The following PRRX2 variants were observed in gnomAD, a reference collection of about 807,000 sequenced individuals.
PRRX2 encodes paired related homeobox 2, also known as paired mesoderm homeobox protein 2.
A neutral mutation model predicts 18.0 loss-of-function variants in PRRX2; 11 were observed. That is an observed-to-expected ratio of 0.61 (90% CI 0.39 to 1.01). The LOEUF is 1.01. PRRX2 is among the 50% of genes least tolerant of loss of function. The pLI, the probability that PRRX2 is intolerant of heterozygous loss-of-function variation, is 0.01. For synonymous variants in PRRX2, 177 were observed against 154.8 expected, an observed-to-expected ratio of 1.14 and a Z score of -1.06; for missense variants, 387 against 351.0, an observed-to-expected ratio of 1.10 and a Z score of -0.82.
chr9:129,675,054 C>T lies in PRRX2; in HGVS notation c.259+8928C>T, dbSNP rs12002604. On this transcript the variant is annotated intron_variant, in intron 1 of 3. Transcript: ENST00000372469. The surrounding 1 kb of genome is among the most constrained non-coding windows in gnomAD (Gnocchi z 4.4). The stretch of plus-strand genomic sequence containing the variant: ...TGCCTCCATTACCCTCCTCAGTTTA[C>T]CCGAGTGGAAAGCGGTCCTCTCGAG... 0.022 allele frequency among the ~76,000 whole-genome samples: 3,359 copies of T among 152,228 alleles called. 133 individuals carry two copies. The highest frequency in any genetic ancestry group is 0.077 in the African/African-American group (3,175 of 41,500).
Position 129,719,294 on chromosome 9 carries a change from G to A in PRRX2, c.323G>A (p.Arg108His). Reference sequence around the variant, plus strand: ...CGGAAGAAGAAGCAGCGGCGGAACCGCACCACGTTCAACAGCAGCCAACTG... The same window carrying A: ...CGGAAGAAGAAGCAGCGGCGGAACCACACCACGTTCAACAGCAGCCAACTG... ...AKRKKKQRRN[R>H]TTFNSSQLQA... Residue 108 changes from arginine (R) to histidine (H), a missense_variant, in exon 2 of 4, where the codon CGC (arginine) becomes CAC (histidine). Coordinates refer to ENST00000372469, the MANE Select transcript of PRRX2 (RefSeq NM_016307.4). 6.2e-7 allele frequency: 1 copy of A among 1,610,558 alleles called. No individual in the cohort carries two copies. The highest frequency in any genetic ancestry group is 1.1e-5 in the South Asian group (1 of 90,616).
chr9:129,705,574 T>C (rs996511617), intron 1 of PRRX2, among the ~76,000 whole-genome samples: 2 of 151,836 alleles, frequency 1.3e-5, no homozygotes, highest in Non-Finnish European at 2.9e-5. Flanking sequence ...AGACTGGTCT[T>C]GAACTCCTGA....
At chr9:129,688,899 G>A (rs944520618) in intron 1 of PRRX2, among the ~76,000 whole-genome samples, 19 of 152,172 alleles carry the variant, frequency 1.2e-4, no homozygotes, top group African/African-American at 3.4e-4. Flanking sequence ...TCCCCTCTGC[G>A]GCCTCAGGCT....
chr9:129,688,468 C>T (rs1368004562), intron 1 of PRRX2, among the ~76,000 whole-genome samples: 1 of 152,138 alleles, frequency 6.6e-6, no homozygotes, highest in Non-Finnish European at 1.5e-5. Context: ...ATCATGAACT[C>T]CCTCCCACAG....
chr9:129,720,422 C>T (rs1832774261), intron 2 of PRRX2, among the ~76,000 whole-genome samples, 174 bp from the exon 3 acceptor site: 1 of 152,250 alleles, frequency 6.6e-6, no homozygotes, highest in South Asian at 2.1e-4. Flanking sequence ...ATCTCCAACA[C>T]ATACCCAGCA....
chr9:129,721,886 G>A (rs1832797244), intron 3 of PRRX2, among the ~76,000 whole-genome samples: 2 of 152,106 alleles, frequency 1.3e-5, no homozygotes, highest in African/African-American at 4.8e-5. Flanking sequence ...TGGCCCCAAG[G>A]GGCATCCTTA....
chr9:129,675,630 T>C lies in PRRX2; in HGVS notation c.259+9504T>C, dbSNP rs1832154263. 2.1e-5 allele frequency among the ~76,000 whole-genome samples: 3 copies of C among 140,674 alleles called. No homozygotes were observed. The highest frequency in any genetic ancestry group is 2.3e-4 in the South Asian group (1 of 4,306). The allele number at this position is 140,674 out of a possible 152,430, so 92.3% of individuals were successfully genotyped here. On this transcript the variant is annotated intron_variant, in intron 1 of 3. Transcript: ENST00000372469. The surrounding 1 kb of genome is among the most constrained non-coding windows in gnomAD (Gnocchi z 4.4). ...CTGCCCCCACCCCCGCCTCCCTGTC[T>C]GTCCTCCCCCACTGCCGGTCTCCCC...
intron 1 of PRRX2, among the ~76,000 whole-genome samples, chr9:129,697,702 A>G (rs1181324561): frequency 6.6e-6 from 1 of 151,796 alleles, no homozygotes; most frequent in Non-Finnish European, 1.5e-5. Flanking sequence ...CACCCACGAG[A>G]CGGGTGGGGT....
intron 1 of PRRX2, among the ~76,000 whole-genome samples, chr9:129,698,475 T>C (rs1399907563): frequency 1.3e-5 from 2 of 151,844 alleles, no homozygotes; most frequent in Non-Finnish European, 2.9e-5. Context: ...GGGTGTTTGG[T>C]GAAACACACG....
rs1832702017 is a variant in PRRX2, at chr9:129,715,983, C to T, written c.260-3248C>T. 2.6e-5 allele frequency among the ~76,000 whole-genome samples: 4 copies of T among 152,186 alleles called. 1 individual carries two copies. In the South Asian group the frequency reaches 8.3e-4, roughly 32 times the overall value. Reference sequence around the variant, plus strand: ...ATGCCCAGTACTGTGCAAAGAACATCGGGTGTAAAATGGGAACATGTAACT... The same window carrying T: ...ATGCCCAGTACTGTGCAAAGAACATTGGGTGTAAAATGGGAACATGTAACT... On this transcript the variant is annotated intron_variant, in intron 1 of 3. Transcript: ENST00000372469. This position sits in a 1 kb window ranked among gnomAD's most constrained non-coding sequence, Gnocchi z 4.0.
At chr9:129,684,426 CA>C (rs1305028092) in intron 1 of PRRX2, among the ~76,000 whole-genome samples, 3 of 43,646 alleles carry the variant, frequency 6.9e-5, no homozygotes, top group South Asian at 9.8e-4. Context: ...CACACAGATA[CA>C]ACACACACAC....
In PRRX2 at chr9:129,709,463, C is replaced by A. The variant is rs532805311; in HGVS notation, c.260-9768C>A. On this transcript the variant is annotated intron_variant, in intron 1 of 3. Coordinates refer to ENST00000372469, the MANE Select transcript of PRRX2 (RefSeq NM_016307.4). The surrounding 1 kb of genome is among the most constrained non-coding windows in gnomAD (Gnocchi z 4.2). ...ACTAGCCACCATTCTTGCAGCCACACTGGCTACCGGCCCCCAGGGCTGGGA... is the reference window on the plus strand; with the variant it reads ...ACTAGCCACCATTCTTGCAGCCACAATGGCTACCGGCCCCCAGGGCTGGGA... Among the ~76,000 whole-genome samples, 97 of 152,202 alleles carry A rather than the reference C, an allele frequency of 6.4e-4. No individual in the cohort carries two copies. Among genetic ancestry groups the A allele is most frequent in the African/African-American group, 2.3e-3 (96 of 41,522 alleles).
intron 1 of PRRX2, among the ~76,000 whole-genome samples, chr9:129,702,114 A>G (rs986811062): frequency 1.4e-5 from 2 of 142,876 alleles, no homozygotes; most frequent in African/African-American, 5.3e-5. Flanking sequence ...ACTTTCTACG[A>G]CTGCCAGGCG....
rs1249228850 is a variant in PRRX2 at position 129,715,516 on chromosome 9, A to G, written c.260-3715A>G. On this transcript the variant is annotated intron_variant, in intron 1 of 3. Coordinates refer to ENST00000372469, the MANE Select transcript of PRRX2 (RefSeq NM_016307.4). This position sits in a 1 kb window ranked among gnomAD's most constrained non-coding sequence, Gnocchi z 4.0. ...TGAGGTGGGGGAATTGCTTGAGCCC[A>G]GGAGGTCGAGGCTGCAGTGTGTTAC... Among the ~76,000 whole-genome samples the G allele has an allele frequency of 3.9e-5, 6 of 152,154 alleles. No individual in the cohort carries two copies. Among genetic ancestry groups the G allele is most frequent in the African/African-American group, 1.4e-4 (6 of 41,430 alleles).
At chr9:129,681,295 G>A (rs967473831) in intron 1 of PRRX2, among the ~76,000 whole-genome samples, 15 of 152,292 alleles carry the variant, frequency 9.8e-5, no homozygotes, top group African/African-American at 1.9e-4. Flanking sequence ...TGAGGCGGGC[G>A]GATCACCTGA....
At chr9:129,718,959 G>T (rs1027163177) in intron 1 of PRRX2, among the ~76,000 whole-genome samples, 4 of 152,094 alleles carry the variant, frequency 2.6e-5, no homozygotes, top group Admixed American at 1.3e-4. Context: ...CTCAGACTGG[G>T]GTTTCCACAG....
In PRRX2 at chr9:129,719,398, C is replaced by G; in HGVS notation, c.427C>G (p.Leu143Val). The change falls in exon 2 of 4, where the codon CTC becomes GTC. Residue 143 changes from leucine (L) to valine (V), a missense_variant. Physicochemically the swap from Leu to Val is conservative, Grantham distance 32. Transcript: ENST00000372469. ...VREELARRVN[L>V]SEARVQVWFQ... ...CGAGGAGCTTGCCCGGCGCGTCAAC[C>G]TCAGCGAGGCGCGCGTTCAGGTGAG... The G allele has an allele frequency of 6.5e-7, 1 of 1,542,430 alleles. No individual in the cohort carries two copies. Among genetic ancestry groups the G allele is most frequent in the Non-Finnish European group, 8.7e-7 (1 of 1,144,206 alleles).
rs192858245 is a variant in PRRX2, at chr9:129,721,774, T to G, written c.627-443T>G. On this transcript the variant is annotated intron_variant, in intron 3 of 3. Coordinates refer to ENST00000372469, the MANE Select transcript of PRRX2 (RefSeq NM_016307.4). The stretch of plus-strand genomic sequence containing the variant: ...GTTTGTATTTTTAGTAGAGACAGGG[T>G]TTCAACATGTTGGCCAGGCTGGTCT... Among the ~76,000 whole-genome samples, 1,185 of 152,044 alleles carry G rather than the reference T, an allele frequency of 7.8e-3. 17 individuals carry two copies. Among genetic ancestry groups the G allele is most frequent in the African/African-American group, 0.027 (1,133 of 41,444 alleles).
At chr9:129,722,196 T>C in intron 3 of PRRX2, 21 bp from the exon 4 acceptor site, 1 of 1,610,064 alleles carries the variant, frequency 6.2e-7, no homozygotes, top group Non-Finnish European at 8.5e-7. Context: ...CCATGTGACC[T>C]GTGTCTCATG....
Sources: allele counts gnomAD v4.1 joint callset (sites outside exome capture counted in the v4.1 genomes callset), GRCh38; gene constraint gnomAD v4.1.1; non-coding constraint Gnocchi (gnomAD v3.1); transcripts MANE v1.5; gene names NCBI Gene and HGNC (gene_info 2026-07-23, HGNC 2026-07-21).